Variants in CLSTN1 observed in about 807,000 individuals in gnomAD.
CLSTN1 encodes calsyntenin-1.
In CLSTN1, 28 loss-of-function variants were observed where a neutral mutation model predicts 108.3. That is an observed-to-expected ratio of 0.26 (90% CI 0.19 to 0.35). CLSTN1 has a LOEUF of 0.35. Among genes scored for constraint, CLSTN1 ranks in the 10% least tolerant of loss-of-function variants. CLSTN1 has a pLI of 1.00. For missense variants in CLSTN1, 1,157 were observed against 1,302.6 expected, an observed-to-expected ratio of 0.89 and a Z score of 1.72; for synonymous variants, 524 against 534.9, an observed-to-expected ratio of 0.98 and a Z score of 0.28.
chr1:9,770,454 C>G (rs1406287616), intron 2 of CLSTN1, among the ~76,000 whole-genome samples: 1 of 152,204 alleles, frequency 6.6e-6, no homozygotes, highest in Non-Finnish European at 1.5e-5. Flanking sequence ...GAACTTCGTG[C>G]AGTTAAAGAT....
chr1:9,817,982 T>A (rs1655041611), intron 1 of CLSTN1, among the ~76,000 whole-genome samples: 1 of 148,978 alleles, frequency 6.7e-6, no homozygotes, highest in South Asian at 2.1e-4. Context: ...AAATGTCACT[T>A]TTGAGGGTCT....
rs760154759 is a variant in CLSTN1 at position 9,735,529 on chromosome 1, G to A, written c.1821C>T (p.Tyr607=). The change falls in exon 13 of 19, where the codon TAC becomes TAT. Residue 607 remains tyrosine, a synonymous_variant. Coordinates refer to ENST00000377298, the MANE Select transcript of CLSTN1 (RefSeq NM_001009566.3). ...ELDKAMQHIS[Y]LNSRQFPTPG... is the part of the protein sequence containing the mutation. ...GCGTGGGGAACTGCCGGGAGTTCAG[G>A]TACGAGATGTGCTGCATGGCCTTAT... 1.2e-6 allele frequency: 2 copies of A among 1,614,046 alleles called. No individual in the cohort carries two copies. The highest frequency in any genetic ancestry group is 1.7e-5 in the Admixed American group (1 of 59,998).
At chr1:9,756,397 C>T (rs1651806180) in intron 3 of CLSTN1, 84 bp downstream of exon 3, 1 of 1,064,144 alleles carries the variant, frequency 9.4e-7, no homozygotes, top group South Asian at 1.3e-5. Context: ...GACAGTTTCT[C>T]CTGTTTAAGG....
chr1:9,738,884 T>C (rs1650826255), intron 10 of CLSTN1, among the ~76,000 whole-genome samples: 1 of 152,160 alleles, frequency 6.6e-6, no homozygotes, highest in Non-Finnish European at 1.5e-5. Context: ...TCTCCTGACC[T>C]TGAGTGATCT....
intron 17 of CLSTN1, 107 bp downstream of exon 17, chr1:9,731,654 G>A: frequency 8.5e-7 from 1 of 1,174,970 alleles, no homozygotes; most frequent in Non-Finnish European, 1.3e-6. Context: ...AATTGGGACA[G>A]GGAAAGACCG....
At chr1:9,799,059 T>A (rs1654137833) in intron 1 of CLSTN1, among the ~76,000 whole-genome samples, 1 of 151,838 alleles carries the variant, frequency 6.6e-6, no homozygotes, top group Admixed American at 6.6e-5. Flanking sequence ...TGCACGCCCA[T>A]GGTCCCAGCT....
intron 7 of CLSTN1, 119 bp downstream of exon 7, chr1:9,749,342 G>T: frequency 1.9e-6 from 2 of 1,040,834 alleles, no homozygotes; most frequent in Non-Finnish European, 2.7e-6. Flanking sequence ...CTTCAGAAAT[G>T]CAGATTCTCT....
intron 18 of CLSTN1, 32 bp downstream of exon 18, chr1:9,731,174 C>T (rs959484142): frequency 2.5e-6 from 4 of 1,613,630 alleles, no homozygotes; most frequent in African/African-American, 1.3e-5. Flanking sequence ...TGTGCTGCCT[C>T]TCAGTCCTGG....
intron 1 of CLSTN1, among the ~76,000 whole-genome samples, chr1:9,779,879 C>A (rs1653161285): frequency 6.6e-6 from 1 of 151,528 alleles, no homozygotes; most frequent in African/African-American, 2.4e-5. Context: ...GATGGAGTCT[C>A]ACTCTGTGGT....
intron 2 of CLSTN1, among the ~76,000 whole-genome samples, chr1:9,757,790 G>C (rs1233197580): frequency 6.6e-6 from 1 of 152,090 alleles, no homozygotes; most frequent in Non-Finnish European, 1.5e-5. Flanking sequence ...TGGAGGAGTG[G>C]AAATGTGAAG....
chr1:9,797,311 A>C (rs1654054708), intron 1 of CLSTN1, among the ~76,000 whole-genome samples: 1 of 151,902 alleles, frequency 6.6e-6, no homozygotes, highest in Admixed American at 6.6e-5. Context: ...GGGGAGAGGA[A>C]GGGGAAGTGG....
At chr1:9,819,414 G>A (rs769734453) in intron 1 of CLSTN1, among the ~76,000 whole-genome samples, 15 of 152,048 alleles carry the variant, frequency 9.9e-5, no homozygotes, top group South Asian at 2.1e-4. Flanking sequence ...CTAGTGTTAC[G>A]AAATTACAGC....
chr1:9,776,208 T>C (rs558518616), intron 1 of CLSTN1, among the ~76,000 whole-genome samples: 1 of 152,054 alleles, frequency 6.6e-6, no homozygotes, highest in South Asian at 2.1e-4. Flanking sequence ...GACCTCGTGT[T>C]CCGCCCACCT....
intron 10 of CLSTN1, among the ~76,000 whole-genome samples, chr1:9,740,105 C>T (rs1018846284): frequency 6.6e-6 from 1 of 151,780 alleles, no homozygotes; most frequent in African/African-American, 2.4e-5. Context: ...CGTGAGCCAC[C>T]GCGCCCGGCC....
intron 1 of CLSTN1, among the ~76,000 whole-genome samples, chr1:9,810,033 T>TGAGAAAGA (rs911452749): frequency 5.7e-5 from 6 of 105,222 alleles, no homozygotes; most frequent in Admixed American, 3.2e-4. Flanking sequence ...AGGGAGACTC[T>TGAGAAAGA]GAGAAAGAGA....
chr1:9,784,246 G>A (rs1012395748), intron 1 of CLSTN1, among the ~76,000 whole-genome samples: 3 of 152,020 alleles, frequency 2.0e-5, no homozygotes, highest in African/African-American at 4.8e-5. Context: ...GGAAGGTTGA[G>A]GCAGGGGAAT....
intron 1 of CLSTN1, among the ~76,000 whole-genome samples, chr1:9,776,970 C>G (rs770893294): frequency 6.6e-5 from 10 of 151,954 alleles, no homozygotes; most frequent in Admixed American, 2.0e-4. Context: ...GTAATCCCAG[C>G]GTGTTGGGAG....
intron 1 of CLSTN1, among the ~76,000 whole-genome samples, chr1:9,785,274 C>G (rs965465466): frequency 5.3e-5 from 8 of 152,080 alleles, no homozygotes; most frequent in Non-Finnish European, 1.2e-4. Context: ...TCCCAAAGTG[C>G]TGGGATTACA....
In CLSTN1 at chr1:9,730,191, G is replaced by A. The variant is rs556558334; in HGVS notation, c.*317C>T. On this transcript the variant is annotated 3_prime_UTR_variant, in exon 19 of 19. Coordinates refer to ENST00000377298, the MANE Select transcript of CLSTN1 (RefSeq NM_001009566.3). This position sits in a 1 kb window ranked among gnomAD's most constrained non-coding sequence, Gnocchi z 5.6. ...AGCTGGCATGGCTTTTCTGGAGTGC[G>A]AGGGGCCAGTGTCCTCTCCCCGGGG... 7.1e-5 allele frequency: 29 copies of A among 410,666 alleles called. No homozygotes were observed. In the South Asian group the frequency reaches 7.7e-4, roughly 11 times the overall value. 25.4% of individuals were successfully genotyped at this position (410,666 alleles called of 1,614,324 possible).
Sources: allele counts gnomAD v4.1 joint callset (sites outside exome capture counted in the v4.1 genomes callset), GRCh38; gene constraint gnomAD v4.1.1; non-coding constraint Gnocchi (gnomAD v3.1); transcripts MANE v1.5; gene names NCBI Gene and HGNC (gene_info 2026-07-23, HGNC 2026-07-21).